Variants in LINGO2 observed in about 807,000 individuals in gnomAD.
The protein encoded by LINGO2 is leucine-rich repeat and immunoglobulin-like domain-containing nogo receptor-interacting protein 2.
LINGO2 carries 14 observed loss-of-function variants against 30.6 expected under a neutral mutation model. That is an observed-to-expected ratio of 0.46 (90% CI 0.30 to 0.72). The LOEUF is 0.72. Ranked by LOEUF, LINGO2 falls within the 30% of genes least tolerant of loss-of-function variation. The pLI, the probability that LINGO2 is intolerant of heterozygous loss-of-function variation, is 0.07. For synonymous variants in LINGO2, 317 were observed against 288.5 expected (o/e 1.10, Z -1.00); for missense variants, 729 against 751.7 (o/e 0.97, Z 0.35).
intron 3 of LINGO2, among the ~76,000 whole-genome samples, chr9:28,323,695 A>G (rs143784384): frequency 1.3e-5 from 2 of 152,280 alleles, no homozygotes; most frequent in Non-Finnish European, 2.9e-5. Context: ...AAGCAAACAT[A>G]AGTTCGGAGA....
chr9:28,864,520 A>T, the LINGO2 span, among the ~76,000 whole-genome samples: 1 of 152,170 alleles, frequency 6.6e-6, no homozygotes, highest in African/African-American at 2.4e-5. Flanking sequence ...AATGAAAAGA[A>T]TCTATAAATC....
chr9:28,245,805 A>G (rs975951858), intron 4 of LINGO2, among the ~76,000 whole-genome samples: 1 of 152,212 alleles, frequency 6.6e-6, no homozygotes, highest in African/African-American at 2.4e-5. Context: ...GACACAAGCA[A>G]ATGGAAAAAC....
At chr9:28,376,016 T>C (rs1466594714) in intron 2 of LINGO2, among the ~76,000 whole-genome samples, 1 of 151,970 alleles carries the variant, frequency 6.6e-6, no homozygotes, top group African/African-American at 2.4e-5. Context: ...ATGGCTGCTA[T>C]TACACAATAA....
At chr9:29,067,197 C>A in the LINGO2 span, among the ~76,000 whole-genome samples, 9 of 151,666 alleles carry the variant, frequency 5.9e-5, no homozygotes, top group African/African-American at 2.2e-4. Context: ...TTGCTACATT[C>A]CTTAATTCTA....
the LINGO2 span, among the ~76,000 whole-genome samples, chr9:28,744,106 ATAT>A: frequency 3.1e-5 from 4 of 127,448 alleles, no homozygotes; most frequent in South Asian, 7.5e-4. Context: ...ATATATATAT[ATAT>A]TTTTTTTCTT....
intron 4 of LINGO2, among the ~76,000 whole-genome samples, chr9:28,214,691 A>G (rs1204641546): frequency 1.3e-5 from 2 of 151,644 alleles, no homozygotes; most frequent in African/African-American, 2.4e-5. Context: ...TATTTTATAT[A>G]TGAAGGAAAC....
intron 4 of LINGO2, among the ~76,000 whole-genome samples, chr9:28,096,210 A>G (rs1358798345): frequency 4.6e-5 from 7 of 152,202 alleles, no homozygotes; most frequent in Admixed American, 3.9e-4. Flanking sequence ...CTCACAGAAC[A>G]GTAATAGGGA....
chr9:28,058,997 T>C (rs1825053688), intron 4 of LINGO2, among the ~76,000 whole-genome samples: 1 of 152,136 alleles, frequency 6.6e-6, no homozygotes, highest in Non-Finnish European at 1.5e-5. Flanking sequence ...TCAAAAAAGA[T>C]TCAGAGCTCA....
At chr9:29,033,905 AC>A in the LINGO2 span, among the ~76,000 whole-genome samples, 1 of 151,960 alleles carries the variant, frequency 6.6e-6, no homozygotes, top group Non-Finnish European at 1.5e-5. Flanking sequence ...ATATGGTGCA[AC>A]CCCATCTCTA....
chr9:28,453,052 T>C (rs1564208398), intron 2 of LINGO2, among the ~76,000 whole-genome samples: 1 of 151,862 alleles, frequency 6.6e-6, no homozygotes, highest in Admixed American at 6.6e-5. Flanking sequence ...ATAAAGATAA[T>C]AGATTTGAGT....
chr9:29,139,159 C>T, the LINGO2 span, among the ~76,000 whole-genome samples: 2 of 152,144 alleles, frequency 1.3e-5, no homozygotes, highest in African/African-American at 4.8e-5. Flanking sequence ...GGATCCTCAG[C>T]TCAACAACCC....
chr9:28,498,388 C>A, intron 1 of LINGO2, among the ~76,000 whole-genome samples: 1 of 152,210 alleles, frequency 6.6e-6, no homozygotes, highest in East Asian at 1.9e-4. Flanking sequence ...TCGCTGCTGC[C>A]TTGCAGTTAG....
the LINGO2 span, among the ~76,000 whole-genome samples, chr9:28,770,904 A>G: frequency 1.3e-5 from 2 of 152,312 alleles, no homozygotes; most frequent in Admixed American, 6.5e-5. Context: ...TTCCTTTACT[A>G]TGGATCTACG....
chr9:28,366,846 C>T (rs768907944), intron 3 of LINGO2, among the ~76,000 whole-genome samples: 2 of 151,928 alleles, frequency 1.3e-5, no homozygotes, highest in Admixed American at 6.6e-5. Context: ...TAATGGTACA[C>T]TAATAGGAAA....
chr9:29,051,184 A>ATGG, the LINGO2 span, among the ~76,000 whole-genome samples: 1 of 152,112 alleles, frequency 6.6e-6, no homozygotes, highest in Non-Finnish European at 1.5e-5. Flanking sequence ...GGGTTCAGTC[A>ATGG]TGGTGTTATA....
chr9:27,952,087 T>C (rs2118369067), intron 5 of LINGO2, among the ~76,000 whole-genome samples: 1 of 152,086 alleles, frequency 6.6e-6, no homozygotes, highest in South Asian at 2.1e-4. Flanking sequence ...ACAGATCAAA[T>C]TAATGTCTAT....
At chr9:28,704,352 T>A in the LINGO2 span, among the ~76,000 whole-genome samples, 2 of 151,962 alleles carry the variant, frequency 1.3e-5, no homozygotes, top group Non-Finnish European at 2.9e-5. Flanking sequence ...TTTTCAAGAT[T>A]TTTTTCTTAA....
rs556706726 is a variant in LINGO2 at position 28,199,432 on chromosome 9, G to A, written c.-87+95776C>T. 5.9e-3 allele frequency among the ~76,000 whole-genome samples: 896 copies of A among 151,180 alleles called. 17 individuals are homozygous for A. The highest frequency in any genetic ancestry group is 0.021 in the African/African-American group (844 of 41,160). On this transcript the variant is annotated intron_variant, in intron 4 of 5. Coordinates refer to ENST00000379992, the Ensembl canonical transcript of LINGO2. ...TGGCTCACTGCAAGCTCCGCCTCCC[G>A]GGTTCACGCCATTCTCCTGCCTCAG...
the LINGO2 span, among the ~76,000 whole-genome samples, chr9:28,805,436 A>G: frequency 6.6e-6 from 1 of 152,078 alleles, no homozygotes. Flanking sequence ...TATCTACCAC[A>G]TGGCTTCTCT....
Sources: allele counts gnomAD v4.1 joint callset (sites outside exome capture counted in the v4.1 genomes callset), GRCh38; gene constraint gnomAD v4.1.1; transcripts MANE v1.5; gene names NCBI Gene and HGNC (gene_info 2026-07-23, HGNC 2026-07-21).